DHX8: variants seen among roughly 807,000 people sequenced by gnomAD.
The protein encoded by DHX8 is DEAH-box helicase 8.
Under a neutral mutation model 140.7 loss-of-function variants are expected in DHX8, and 67 were observed. The observed-to-expected ratio is 0.48, with a 90% CI of 0.39 to 0.58. DHX8 has a LOEUF of 0.58. Among genes scored for constraint, DHX8 ranks in the 20% least tolerant of loss-of-function variants. The pLI is 0.00. For synonymous variants in DHX8, 533 were observed against 553.2 expected (o/e 0.96, Z 0.51); for missense variants, 887 against 1,550.7 (o/e 0.57, Z 7.19).
chr17:43,511,456 A>ATTTTTGTTTTTTTTTTTTTT (rs1969822788), intron 16 of DHX8, among the ~76,000 whole-genome samples: 2 of 56,790 alleles, frequency 3.5e-5, no homozygotes, highest in Non-Finnish European at 2.9e-5. Flanking sequence ...TGATCCCAGC[A>ATTTTTGTTTTTTTTTTTTTT]TTTTTTTTTT....
At chr17:43,532,787 A>C in intron 2 of DHX8, 1 of 1,613,874 alleles carries the variant, frequency 6.2e-7, no homozygotes, top group Non-Finnish European at 8.5e-7. Context: ...CTGTTCATAC[A>C]GGGGATCATG....
intron 16 of DHX8, among the ~76,000 whole-genome samples, chr17:43,509,107 C>T (rs58141510): frequency 0.21 from 32,337 of 152,210 alleles, 3,884 homozygotes; most frequent in East Asian, 0.32. Context: ...GAACAAGCCT[C>T]TATCTGCTGT....
At chr17:43,514,036 T>A (rs1430371276) in intron 17 of DHX8, among the ~76,000 whole-genome samples, 2 of 151,964 alleles carry the variant, frequency 1.3e-5, no homozygotes, top group Non-Finnish European at 2.9e-5. Flanking sequence ...AGAATAGTAT[T>A]TCACTATTAA....
At chr17:43,509,655 GGTTTTT>G (rs573705271) in intron 16 of DHX8, among the ~76,000 whole-genome samples, 155 of 151,516 alleles carry the variant, frequency 1.0e-3, no homozygotes, top group African/African-American at 3.4e-3. Flanking sequence ...GGCTAATTTT[GGTTTTT>G]GTTTTTGTTT....
At chr17:43,531,462 T>A (rs962153477), downstream of DHX8, among the ~76,000 whole-genome samples, 7 of 152,098 alleles carry the variant, frequency 4.6e-5, no homozygotes, top group African/African-American at 1.7e-4. Flanking sequence ...ATACATCAAT[T>A]GGGAGGCTCA....
At position 43,492,873 on chromosome 17, in the gene DHX8, C is replaced by G. The variant is rs1477260230; in HGVS notation, c.696C>G (p.Pro232=). Residue 232 remains proline (P), a synonymous_variant, in exon 6 of 23, where the codon CCC becomes CCG. Transcript: ENST00000262415. ...YRSRSRSQSP[P]KDRKDRDKYG... is the part of the protein sequence containing the mutation. ...CCAGGAGCAGGAGTCAGAGTCCCCC[C>G]AAAGACCGGAAGGACCGGGACAAAT... The G allele has an allele frequency of 6.2e-7, 1 of 1,614,204 alleles. No individual in the cohort carries two copies. Among genetic ancestry groups the G allele is most frequent in the Non-Finnish European group, 8.5e-7 (1 of 1,180,036 alleles).
chr17:43,487,656 C>T (rs935452887), intron 1 of DHX8, among the ~76,000 whole-genome samples: 2 of 152,100 alleles, frequency 1.3e-5, no homozygotes, highest in African/African-American at 4.8e-5. Context: ...CTGAAAGTAG[C>T]TTAATAAATA....
chr17:43,523,559 AG>A, intron 22 of DHX8, 68 bp from the exon 23 acceptor site: 1 of 1,591,558 alleles, frequency 6.3e-7, no homozygotes, highest in South Asian at 1.1e-5. Context: ...GAGGCCTACT[AG>A]GGACCAGGTT....
chr17:43,517,653 A>T, intron 18 of DHX8: 1 of 211,662 alleles, frequency 4.7e-6, no homozygotes, highest in Non-Finnish European at 9.5e-6. Context: ...AACCTCAACC[A>T]CTTTAGCGCT....
intron 16 of DHX8, among the ~76,000 whole-genome samples, chr17:43,511,921 G>A (rs1465454128): frequency 6.6e-6 from 1 of 151,290 alleles, no homozygotes; most frequent in Non-Finnish European, 1.5e-5. Context: ...TCAAGAGATT[G>A]AGGTGGGAGG....
chr17:43,494,005 C>T, intron 8 of DHX8, 119 bp downstream of exon 8: 1 of 945,564 alleles, frequency 1.1e-6, no homozygotes, highest in South Asian at 1.6e-5. Context: ...AGTCTGTTTT[C>T]ACACTCCTGA....
chr17:43,527,645 C>G (rs1970656648), downstream of DHX8, among the ~76,000 whole-genome samples: 1 of 152,198 alleles, frequency 6.6e-6, no homozygotes, highest in South Asian at 2.1e-4. Context: ...CACAGTAATG[C>G]TGGGAAGGGG....
In DHX8 at chr17:43,498,974, A is replaced by G. The variant is rs776932314; in HGVS notation, c.1398+15A>G. On this transcript the variant is annotated intron_variant, in intron 10 of 22. Coordinates refer to ENST00000262415, the MANE Select transcript of DHX8 (RefSeq NM_004941.3). ...AAATTGTCAAGGTGAGAATTACTGG[A>G]CCTTTAACCTGGAAATGTCAAGTGG... 2.6e-6 allele frequency: 4 copies of G among 1,563,276 alleles called. No homozygotes were observed. The highest frequency in any genetic ancestry group is 3.5e-6 in the Non-Finnish European group (4 of 1,155,246).
At chr17:43,529,869 A>T (rs1276763169), downstream of DHX8, 1 of 1,613,862 alleles carries the variant, frequency 6.2e-7, no homozygotes, top group Non-Finnish European at 8.5e-7. Context: ...TCCCATCAAC[A>T]GTCACTTCTC....
At chr17:43,503,497 A>T (rs1393545992) in intron 11 of DHX8, among the ~76,000 whole-genome samples, 1 of 136,526 alleles carries the variant, frequency 7.3e-6, no homozygotes, top group East Asian at 2.1e-4. Flanking sequence ...AACTCCATCT[A>T]AAAAAAAAAA....
intron 1 of DHX8, among the ~76,000 whole-genome samples, chr17:43,484,441 T>G (rs896191529): frequency 1.3e-5 from 2 of 152,042 alleles, no homozygotes; most frequent in African/African-American, 4.8e-5. Context: ...TTTGTTTGTT[T>G]TTTCAGCCTC....
intron 18 of DHX8, chr17:43,519,325 T>C (rs984224724): frequency 5.9e-5 from 9 of 152,238 alleles, no homozygotes; most frequent in Admixed American, 5.9e-4. Flanking sequence ...TATTTCATTG[T>C]AGTTTTGATT....
Position 43,520,795 on chromosome 17 carries a change from C to A in DHX8, c.2982C>A (p.Ile994=), listed in dbSNP as rs1158365832. 2 of 1,614,022 alleles carry A rather than the reference C, an allele frequency of 1.2e-6. No individual in the cohort carries two copies. The highest frequency in any genetic ancestry group is 3.3e-5 in the Admixed American group (2 of 60,004). ...AGCCAATGCTATGCAAAATGCTCAT[C>A]ATGTCTGTGCATCTGGGCTGCAGTG... ...PLEPMLCKML[I]MSVHLGCSEE... Residue 994 remains isoleucine (I), a synonymous_variant, in exon 20 of 23, where the codon ATC becomes ATA. Transcript: ENST00000262415.
intron 9 of DHX8, among the ~76,000 whole-genome samples, chr17:43,497,702 C>T (rs1968944065): frequency 6.6e-6 from 1 of 151,996 alleles, no homozygotes; most frequent in African/African-American, 2.4e-5. Flanking sequence ...GTGCAGTGAG[C>T]CATGGTCATG....
Sources: gnomAD v4.1 joint callset for allele counts (sites outside exome capture counted in the v4.1 genomes callset) on GRCh38, gnomAD v4.1.1 for gene constraint, MANE v1.5 for transcripts, NCBI Gene and HGNC (gene_info 2026-07-23, HGNC 2026-07-21) for gene names.